Variants in CACNB2 observed in about 807,000 individuals in gnomAD.
CACNB2 encodes the protein voltage-dependent L-type calcium channel subunit beta-2.
CACNB2 carries 42 observed loss-of-function variants against 73.3 expected under a neutral mutation model. That is an observed-to-expected ratio of 0.57 (90% CI 0.45 to 0.74). The LOEUF (loss-of-function observed/expected upper bound fraction) is 0.74. CACNB2 is among the 30% of genes least tolerant of loss of function. The pLI is 0.00. For synonymous variants in CACNB2, 348 were observed against 310.3 expected (o/e 1.12, Z -1.28); for missense variants, 940 against 853.0 (o/e 1.10, Z -1.27).
At chr10:18,343,064 A>G (rs1032353994) in intron 2 of CACNB2, among the ~76,000 whole-genome samples, 14 of 152,216 alleles carry the variant, frequency 9.2e-5, no homozygotes, top group African/African-American at 3.4e-4. Context: ...AATGAAATCA[A>G]TAAACCAATG....
At chr10:18,254,448 A>G (rs530931892) in intron 2 of CACNB2, among the ~76,000 whole-genome samples, 3 of 152,104 alleles carry the variant, frequency 2.0e-5, no homozygotes, top group South Asian at 2.1e-4. Context: ...TAGTTATCTT[A>G]TTTACTTCTC....
At chr10:18,539,196 T>A (rs775263423) in intron 13 of CACNB2, 34 bp from the exon 14 acceptor site, 1 of 1,613,688 alleles carries the variant, frequency 6.2e-7, no homozygotes, top group South Asian at 1.1e-5. Flanking sequence ...ACACTGACCT[T>A]GGTTAACGCC....
At chr10:18,186,177 C>T (rs1047360254) in intron 2 of CACNB2, among the ~76,000 whole-genome samples, 9 of 151,980 alleles carry the variant, frequency 5.9e-5, no homozygotes, top group African/African-American at 1.9e-4. Context: ...CCCAGCACTT[C>T]GGGAGGTGAA....
At chr10:18,466,648 G>T (rs2047904992) in intron 3 of CACNB2, among the ~76,000 whole-genome samples, 1 of 152,158 alleles carries the variant, frequency 6.6e-6, no homozygotes, top group Non-Finnish European at 1.5e-5. Context: ...AGAATCCATT[G>T]TAGATACTAG....
intron 2 of CACNB2, among the ~76,000 whole-genome samples, chr10:18,379,327 C>T (rs1226848376): frequency 6.6e-6 from 1 of 152,124 alleles, no homozygotes; most frequent in Non-Finnish European, 1.5e-5. Flanking sequence ...ATTCTCGTGC[C>T]TCAGGCTCCC....
At chr10:18,298,046 G>A (rs1047419289) in intron 2 of CACNB2, among the ~76,000 whole-genome samples, 3 of 152,276 alleles carry the variant, frequency 2.0e-5, no homozygotes, top group East Asian at 3.9e-4. Flanking sequence ...GAGATAACTC[G>A]AGACAGTGCA....
At chr10:18,286,509 T>G (rs894349652) in intron 2 of CACNB2, among the ~76,000 whole-genome samples, 13 of 101,538 alleles carry the variant, frequency 1.3e-4, no homozygotes, top group African/African-American at 5.1e-4. Context: ...AAGAGCGAGA[T>G]TCTGTCTCAA....
chr10:18,222,442 ACC>A (rs113081990), intron 2 of CACNB2, among the ~76,000 whole-genome samples: 94,055 of 151,570 alleles, frequency 0.62, 30,251 homozygotes, highest in Non-Finnish European at 0.71. Flanking sequence ...ATTCTGTGAG[ACC>A]CTCTGCGAAA....
intron 2 of CACNB2, among the ~76,000 whole-genome samples, chr10:18,210,228 A>G (rs958189021): frequency 2.6e-5 from 4 of 152,178 alleles, no homozygotes; most frequent in African/African-American, 7.2e-5. Flanking sequence ...GGTGGTGGCT[A>G]TAGTCAATCT....
intron 2 of CACNB2, among the ~76,000 whole-genome samples, chr10:18,347,344 A>ATTTTTTTTTTTTTTTTTTT (rs201654242): frequency 2.5e-5 from 3 of 120,824 alleles, no homozygotes; most frequent in Non-Finnish European, 5.0e-5. Flanking sequence ...TGCCCGTCTA[A>ATTTTTTTTTTTTTTTTTTT]TTTTTTTTTT....
At chr10:18,532,689 A>AAC (rs1158233641) in intron 10 of CACNB2, among the ~76,000 whole-genome samples, 22 of 58,620 alleles carry the variant, frequency 3.8e-4, no homozygotes, top group Non-Finnish European at 7.3e-4. Context: ...AAAAAAAAAA[A>AAC]AAAAAAACAA....
chr10:18,213,096 A>T (rs1439347202), intron 2 of CACNB2, among the ~76,000 whole-genome samples: 1 of 152,210 alleles, frequency 6.6e-6, no homozygotes, highest in African/African-American at 2.4e-5. Context: ...AAGTGTGTTC[A>T]AAACTCATTT....
intron 2 of CACNB2, among the ~76,000 whole-genome samples, chr10:18,352,223 C>T (rs1402610597): frequency 6.6e-6 from 1 of 152,194 alleles, no homozygotes; most frequent in Non-Finnish European, 1.5e-5. Context: ...CCTTTCTGAT[C>T]GCATGAGTTG....
At chr10:18,316,787 A>G (rs557154078) in intron 2 of CACNB2, among the ~76,000 whole-genome samples, 2 of 152,246 alleles carry the variant, frequency 1.3e-5, no homozygotes, top group African/African-American at 4.8e-5. Flanking sequence ...AACCTACTCA[A>G]TAAGCCTATA....
intron 3 of CACNB2, among the ~76,000 whole-genome samples, chr10:18,461,728 G>C (rs12761917): frequency 0.62 from 90,779 of 147,100 alleles, 28,727 homozygotes; most frequent in Non-Finnish European, 0.69. Context: ...GCCCCCAGCT[G>C]TGCAGGAGAC....
At chr10:18,500,769 CCTT>C (rs1564623205) in intron 4 of CACNB2, 40 bp from the exon 5 acceptor site, 5 of 1,597,092 alleles carry the variant, frequency 3.1e-6, no homozygotes, top group Non-Finnish European at 4.3e-6. Flanking sequence ...AAGGATTTGA[CCTT>C]CTGTGCACTG....
At chr10:18,166,912 A>T (rs1362040025) in intron 2 of CACNB2, among the ~76,000 whole-genome samples, 2 of 152,316 alleles carry the variant, frequency 1.3e-5, no homozygotes, top group Non-Finnish European at 1.5e-5. Context: ...AATAAATAAA[A>T]TAAAAAAGAA....
chr10:18,482,070 T>C (rs769534539), intron 3 of CACNB2, among the ~76,000 whole-genome samples: 23 of 152,060 alleles, frequency 1.5e-4, no homozygotes, highest in Non-Finnish European at 2.9e-4. Flanking sequence ...TTGTGGGTTT[T>C]TTTAGTAGAG....
At chr10:18,306,815 C>T (rs943270731) in intron 2 of CACNB2, among the ~76,000 whole-genome samples, 3 of 152,082 alleles carry the variant, frequency 2.0e-5, no homozygotes, top group Admixed American at 6.6e-5. Context: ...GGACTGAAGA[C>T]ACTGCAGAGG....
Sources: gnomAD v4.1 joint callset for allele counts (sites outside exome capture counted in the v4.1 genomes callset) on GRCh38, gnomAD v4.1.1 for gene constraint, MANE v1.5 for transcripts, NCBI Gene and HGNC (gene_info 2026-07-23, HGNC 2026-07-21) for gene names.